Variants in CCSER2 observed in about 807,000 individuals in gnomAD.
CCSER2 encodes coiled-coil serine rich protein 2, also known as serine-rich coiled-coil domain-containing protein 2.
Under a neutral mutation model 92.3 loss-of-function variants are expected in CCSER2, and 46 were observed. That is an observed-to-expected ratio of 0.50 (90% confidence interval 0.39 to 0.64). The LOEUF (loss-of-function observed/expected upper bound fraction) is 0.64. Among genes scored for constraint, CCSER2 ranks in the 30% least tolerant of loss-of-function variants. CCSER2 has a pLI of 0.00. For synonymous variants in CCSER2, 433 were observed against 431.4 expected (o/e 1.00, Z -0.04); for missense variants, 1,244 against 1,238.9 (o/e 1.00, Z -0.06).
At chr10:84,348,439 G>GTGGAAAGAGAGGGAGAGGGAGACCA (rs543929816) in intron 1 of CCSER2, among the ~76,000 whole-genome samples, 22 of 152,094 alleles carry the variant, frequency 1.4e-4, no homozygotes, top group Middle Eastern at 6.8e-3. Flanking sequence ...GAGGGAGACC[G>GTGGAAAGAGAGGGAGAGGGAGACCA]TGGAAAGAGA....
intron 9 of CCSER2, among the ~76,000 whole-genome samples, chr10:84,504,380 A>G (rs758591200): frequency 2.6e-5 from 4 of 151,648 alleles, no homozygotes; most frequent in African/African-American, 7.3e-5. Flanking sequence ...TTTATTGTTG[A>G]ATATTAATAG....
intron 6 of CCSER2, among the ~76,000 whole-genome samples, chr10:84,439,716 C>T (rs1242507457): frequency 6.6e-6 from 1 of 152,152 alleles, no homozygotes; most frequent in African/African-American, 2.4e-5. Flanking sequence ...CTTTTTTGAG[C>T]TAAGGAACAA....
At position 84,438,551 on chromosome 10, in the gene CCSER2, A is replaced by G. The variant is rs1338301236; in HGVS notation, c.1908A>G (p.Glu636=). ...GAGAATCTCCTTTGGGTCATTTTGA[A>G]AGCTATGGAGGGATGCCCTTTTTCC... The part of the protein sequence containing the change: ...PYRESPLGHF[E]SYGGMPFFQA... The change falls in exon 6 of 10, where the codon GAA becomes GAG. Residue 636 remains glutamate (E), a synonymous_variant. Transcript: ENST00000372088. The G allele has an allele frequency of 6.2e-7, 1 of 1,612,708 alleles. No homozygotes were observed. The highest frequency in any genetic ancestry group is 1.3e-5 in the African/African-American group (1 of 74,966).
chr10:84,391,782 CATA>C lies in CCSER2; in HGVS notation c.1614+17969_1614+17971del, dbSNP rs1255927211. ...GACCCTGGTGCACCTTTCTGAGAAA[CATA>C]AGAGACAATGAGGAAAAGGATTCAG... On this transcript the variant is annotated intron_variant, in intron 3 of 9. Transcript: ENST00000372088. 19 of 1,565,848 alleles carry C rather than the reference CATA, an allele frequency of 1.2e-5. No individual in the cohort carries two copies. The East Asian group carries it at 4.3e-4, about 35-fold the overall frequency.
intron 1 of CCSER2, among the ~76,000 whole-genome samples, chr10:84,353,000 C>T (rs922616186): frequency 2.0e-5 from 3 of 152,130 alleles, no homozygotes; most frequent in Non-Finnish European, 4.4e-5. Context: ...CCATGTTGGC[C>T]AGGCTGGTCT....
At chr10:84,493,650 C>G (rs1416545919) in intron 9 of CCSER2, among the ~76,000 whole-genome samples, 4 of 152,088 alleles carry the variant, frequency 2.6e-5, no homozygotes, top group Non-Finnish European at 5.9e-5. Context: ...GGTTTCTCTT[C>G]CTTTTAAACT....
chr10:84,383,370 G>T (rs902047721), intron 3 of CCSER2, among the ~76,000 whole-genome samples: 2 of 152,048 alleles, frequency 1.3e-5, no homozygotes, highest in Admixed American at 6.6e-5. Context: ...GAGTGCAGTG[G>T]TGTGATCTCG....
At chr10:84,439,490 G>A (rs915603596) in intron 6 of CCSER2, among the ~76,000 whole-genome samples, 3 of 152,166 alleles carry the variant, frequency 2.0e-5, no homozygotes, top group African/African-American at 7.2e-5. Context: ...TGCTCAGTTT[G>A]CTTTCTGTCT....
chr10:84,400,819 CAGG>C (rs2133312061), intron 3 of CCSER2, among the ~76,000 whole-genome samples: 1 of 152,208 alleles, frequency 6.6e-6, no homozygotes, highest in Non-Finnish European at 1.5e-5. Context: ...GAGGCTGAAG[CAGG>C]AGAATTGCTT....
intron 6 of CCSER2, among the ~76,000 whole-genome samples, chr10:84,452,718 A>G (rs912315297): frequency 2.6e-5 from 4 of 152,210 alleles, no homozygotes; most frequent in East Asian, 3.9e-4. Context: ...GCACTGGTCA[A>G]TAAATGTTAG....
intron 7 of CCSER2, among the ~76,000 whole-genome samples, chr10:84,465,954 G>C (rs546973137): frequency 1.3e-5 from 2 of 152,128 alleles, no homozygotes; most frequent in South Asian, 4.1e-4. Flanking sequence ...GTTTCACCGT[G>C]GTCTCAATCT....
chr10:84,457,293 TTATATATAATATG>T (rs1845737051), intron 6 of CCSER2, among the ~76,000 whole-genome samples: 1 of 78,982 alleles, frequency 1.3e-5, no homozygotes, highest in African/African-American at 5.4e-5. Context: ...ATATTATATA[TTATATATAATATG>T]TTATATATAA....
chr10:84,332,780 A>AC (rs1310711996), intron 1 of CCSER2, among the ~76,000 whole-genome samples: 1 of 151,628 alleles, frequency 6.6e-6, no homozygotes, highest in African/African-American at 2.4e-5. Context: ...ACATAGTGAG[A>AC]CCCCCATCTC....
intron 1 of CCSER2, among the ~76,000 whole-genome samples, chr10:84,360,946 A>G (rs1389770687): frequency 6.6e-6 from 1 of 152,114 alleles, no homozygotes; most frequent in Non-Finnish European, 1.5e-5. Context: ...CTCCCATTCC[A>G]TTCTGTTTCC....
intron 1 of CCSER2, among the ~76,000 whole-genome samples, chr10:84,340,267 CATT>C (rs1564578095): frequency 6.6e-6 from 1 of 152,162 alleles, no homozygotes; most frequent in African/African-American, 2.4e-5. Flanking sequence ...TTCCTGTTAA[CATT>C]ATGAGGTTTT....
intron 1 of CCSER2, among the ~76,000 whole-genome samples, chr10:84,350,212 G>A (rs1299281288): frequency 6.6e-6 from 1 of 152,120 alleles, no homozygotes; most frequent in Non-Finnish European, 1.5e-5. Flanking sequence ...TATACATTAA[G>A]TGGCTTTCCA....
At chr10:84,450,274 C>T (rs949033755) in intron 6 of CCSER2, among the ~76,000 whole-genome samples, 3 of 152,166 alleles carry the variant, frequency 2.0e-5, no homozygotes, top group African/African-American at 7.2e-5. Flanking sequence ...AATGAATTTT[C>T]ATCATGACTA....
At chr10:84,438,327 T>A (rs754309195) in intron 5 of CCSER2, among the ~76,000 whole-genome samples, 185 bp from the exon 6 acceptor site, 1 of 152,236 alleles carries the variant, frequency 6.6e-6, no homozygotes, top group Admixed American at 6.5e-5. Context: ...ATAATTGTTT[T>A]AATAAACTAC....
chr10:84,507,077 ATTACT>A (rs1481902360), intron 9 of CCSER2, among the ~76,000 whole-genome samples: 11 of 152,304 alleles, frequency 7.2e-5, no homozygotes, highest in Non-Finnish European at 1.5e-4. Flanking sequence ...TAACTCGCAA[ATTACT>A]TTAGTAAGAA....
Sources: gnomAD v4.1 joint callset for allele counts (sites outside exome capture counted in the v4.1 genomes callset) on GRCh38, gnomAD v4.1.1 for gene constraint, MANE v1.5 for transcripts, NCBI Gene and HGNC (gene_info 2026-07-23, HGNC 2026-07-21) for gene names.